PLD5: variants seen among roughly 807,000 people sequenced by gnomAD.
PLD5 encodes inactive phospholipase D5.
PLD5 carries 36 observed loss-of-function variants against 61.1 expected under a neutral mutation model. That is an observed-to-expected ratio of 0.59 (90% CI 0.45 to 0.78). PLD5 has a LOEUF of 0.78. PLD5 is among the 30% of genes least tolerant of loss of function. The pLI, the probability that PLD5 is intolerant of heterozygous loss-of-function variation, is 0.00. For synonymous variants in PLD5, 243 were observed against 242.8 expected, an observed-to-expected ratio of 1.00 and a Z score of -0.01; for missense variants, 515 against 644.4, an observed-to-expected ratio of 0.80 and a Z score of 2.17.
At chr1:242,257,707 G>T (rs1673156494) in intron 4 of PLD5, among the ~76,000 whole-genome samples, 1 of 152,104 alleles carries the variant, frequency 6.6e-6, no homozygotes, top group African/African-American at 2.4e-5. Context: ...AATGTATACA[G>T]ATTTCAAAAC....
At chr1:242,352,761 G>T (rs1438039634) in intron 1 of PLD5, among the ~76,000 whole-genome samples, 1 of 152,122 alleles carries the variant, frequency 6.6e-6, no homozygotes. Context: ...GTAATATCTT[G>T]TTGTGGTTTT....
In PLD5 at chr1:242,424,902, C is replaced by G. The variant is rs147504187; in HGVS notation, c.190-76660G>C. Among the ~76,000 whole-genome samples the G allele has an allele frequency of 1.8e-4, 27 of 152,204 alleles. 1 individual carries two copies. The highest frequency in any genetic ancestry group is 6.3e-4 in the African/African-American group (26 of 41,534). ...ATCCCAGCACTTTGGGAGGTCAAGA[C>G]GGGTAGATCACCTGAGGTCAGGAGT... On this transcript the variant is annotated intron_variant, in intron 1 of 9. Coordinates refer to ENST00000536534, the MANE Select transcript of PLD5 (RefSeq NM_001372062.1).
chr1:242,362,847 C>A (rs1359458221), intron 1 of PLD5, among the ~76,000 whole-genome samples: 1 of 152,138 alleles, frequency 6.6e-6, no homozygotes, highest in Non-Finnish European at 1.5e-5. Flanking sequence ...TCCCAAGGCA[C>A]CCCTCGCTGT....
At chr1:242,398,442 T>C (rs1311564568) in intron 1 of PLD5, among the ~76,000 whole-genome samples, 1 of 152,216 alleles carries the variant, frequency 6.6e-6, no homozygotes, top group Non-Finnish European at 1.5e-5. Flanking sequence ...TCACTCAGCC[T>C]ATGGCAAGTA....
intron 1 of PLD5, among the ~76,000 whole-genome samples, chr1:242,405,335 A>AT (rs1166294764): frequency 6.6e-6 from 1 of 152,110 alleles, no homozygotes; most frequent in East Asian, 1.9e-4. Context: ...TGTCTGAGGC[A>AT]TTTCTGGTCA....
At chr1:242,188,786 G>A (rs573210881) in intron 5 of PLD5, 1 of 152,316 alleles carries the variant, frequency 6.6e-6, no homozygotes, top group Non-Finnish European at 1.5e-5. Context: ...CTTCAATTGA[G>A]TGTATATTAG....
intron 1 of PLD5, among the ~76,000 whole-genome samples, chr1:242,437,753 CTAAG>C (rs1409149063): frequency 6.6e-6 from 1 of 152,108 alleles, no homozygotes; most frequent in African/African-American, 2.4e-5. Flanking sequence ...CATCAATATC[CTAAG>C]TGTTTCATAA....
chr1:242,329,626 C>T (rs909818722), intron 2 of PLD5, among the ~76,000 whole-genome samples: 5 of 152,152 alleles, frequency 3.3e-5, no homozygotes, highest in African/African-American at 1.2e-4. Flanking sequence ...TTGGATATCC[C>T]CTTTTGTATA....
intron 4 of PLD5, among the ~76,000 whole-genome samples, chr1:242,237,208 A>G (rs1291931941): frequency 2.6e-5 from 4 of 152,164 alleles, no homozygotes; most frequent in Admixed American, 6.5e-5. Context: ...ATGATTCTCT[A>G]TAAATATCAG....
chr1:242,253,776 T>C (rs1225377631), intron 4 of PLD5, among the ~76,000 whole-genome samples: 7 of 152,248 alleles, frequency 4.6e-5, no homozygotes, highest in Non-Finnish European at 1.5e-5. Context: ...GAGGTTCTTA[T>C]GTATTAGGGA....
At chr1:242,402,607 A>G (rs755907367) in intron 1 of PLD5, among the ~76,000 whole-genome samples, 13 of 152,212 alleles carry the variant, frequency 8.5e-5, no homozygotes, top group Non-Finnish European at 1.6e-4. Flanking sequence ...GTACTATTCT[A>G]TAAAATGAAT....
At chr1:242,143,352 T>TA (rs1175794175) in intron 5 of PLD5, among the ~76,000 whole-genome samples, 1 of 152,116 alleles carries the variant, frequency 6.6e-6, no homozygotes, top group Non-Finnish European at 1.5e-5. Flanking sequence ...TGCACCCTGC[T>TA]AGAGCTGTGT....
At chr1:242,242,012 GACACAC>G (rs377737578) in intron 4 of PLD5, among the ~76,000 whole-genome samples, 43 of 106,040 alleles carry the variant, frequency 4.1e-4, no homozygotes, top group East Asian at 1.9e-3. Flanking sequence ...TATATATATA[GACACAC>G]ACACACACAC....
At chr1:242,090,762 C>T (rs923714001) in intron 9 of PLD5, among the ~76,000 whole-genome samples, 1 of 152,194 alleles carries the variant, frequency 6.6e-6, no homozygotes, top group African/African-American at 2.4e-5. Context: ...GCTGAAACTA[C>T]AGAAATGTAT....
chr1:242,422,501 T>C (rs1194013645), intron 1 of PLD5, among the ~76,000 whole-genome samples: 1 of 152,248 alleles, frequency 6.6e-6, no homozygotes, highest in Admixed American at 6.5e-5. Flanking sequence ...ATATAACTTA[T>C]GTGACCTACA....
chr1:242,220,103 G>A lies in PLD5; in HGVS notation c.620C>T (p.Thr207Met), dbSNP rs773800524. The A allele has an allele frequency of 1.4e-5, 22 of 1,613,950 alleles. No homozygotes were observed. Among genetic ancestry groups the A allele is most frequent in the East Asian group, 4.5e-5 (2 of 44,890 alleles). ...EALKLKGAEV[T>M]YMNMTAYNKG... is the part of the protein sequence containing the mutation. ...GTTGTAAGCGGTCATGTTCATGTAC[G>A]TCACCTCGGCTCCTAGGAGTTCAAG... Residue 207 changes from threonine to methionine, a missense_variant, in exon 5 of 10, where the codon ACG becomes ATG. Thr to Met is a moderately conservative substitution (Grantham distance 81). Transcript: ENST00000536534.
chr1:242,277,842 G>A (rs1296002786), intron 3 of PLD5, among the ~76,000 whole-genome samples: 2 of 152,014 alleles, frequency 1.3e-5, no homozygotes, highest in Non-Finnish European at 2.9e-5. Flanking sequence ...AATTAGCCAG[G>A]CGTGGTGGTG....
intron 5 of PLD5, among the ~76,000 whole-genome samples, chr1:242,149,142 G>A (rs955055319): frequency 4.6e-5 from 7 of 151,804 alleles, no homozygotes; most frequent in East Asian, 1.9e-4. Flanking sequence ...TAGGTTTTAC[G>A]CAGACGCTCT....
In PLD5 at chr1:242,182,978, T is replaced by C. The variant is rs557736228; in HGVS notation, c.735+37010A>G. Among the ~76,000 whole-genome samples the C allele has an allele frequency of 1.2e-3, 182 of 152,330 alleles. 1 individual carries two copies. The highest frequency in any genetic ancestry group is 4.2e-3 in the African/African-American group (175 of 41,576). ...ACAACAGCAAAAGGAAAGTGGAATATTGATATAATTTCCACTAACTCCATC... is the reference window on the plus strand; with the variant it reads ...ACAACAGCAAAAGGAAAGTGGAATACTGATATAATTTCCACTAACTCCATC... On this transcript the variant is annotated intron_variant, in intron 5 of 9. Transcript: ENST00000536534.
Sources: allele counts gnomAD v4.1 joint callset (sites outside exome capture counted in the v4.1 genomes callset), GRCh38; gene constraint gnomAD v4.1.1; transcripts MANE v1.5; gene names NCBI Gene and HGNC (gene_info 2026-07-23, HGNC 2026-07-21).